The following ST6GAL1 variants were observed in gnomAD, a reference collection of about 807,000 sequenced individuals.
The protein encoded by ST6GAL1 is beta-galactoside alpha-2,6-sialyltransferase 1.
ST6GAL1 carries 20 observed loss-of-function variants against 38.0 expected under a neutral mutation model. The observed-to-expected ratio is 0.53, with a 90% CI of 0.37 to 0.77. ST6GAL1 has a LOEUF of 0.77. ST6GAL1 is among the 30% of genes least tolerant of loss of function. The pLI, the probability that ST6GAL1 is intolerant of heterozygous loss-of-function variation, is 0.00. For missense variants in ST6GAL1, 432 were observed against 496.4 expected, an observed-to-expected ratio of 0.87 and a Z score of 1.23; for synonymous variants, 196 against 188.2, an observed-to-expected ratio of 1.04 and a Z score of -0.34.
intron 2 of ST6GAL1, among the ~76,000 whole-genome samples, chr3:186,988,302 T>C (rs547514063): frequency 6.6e-6 from 1 of 152,252 alleles, no homozygotes; most frequent in African/African-American, 2.4e-5. Flanking sequence ...CTAATTTGTG[T>C]TGGTCATGGG....
chr3:187,024,904 G>A (rs926730328), intron 2 of ST6GAL1: 3 of 152,080 alleles, frequency 2.0e-5, no homozygotes, highest in Admixed American at 6.5e-5. Context: ...ACATTTAAAG[G>A]TGGGTTGGAT....
chr3:186,997,553 T>G (rs978596674), intron 2 of ST6GAL1, among the ~76,000 whole-genome samples: 1 of 151,828 alleles, frequency 6.6e-6, no homozygotes, highest in African/African-American at 2.4e-5. Flanking sequence ...TCCAGGAGTT[T>G]GAGCCCAGCC....
intron 2 of ST6GAL1, among the ~76,000 whole-genome samples, chr3:186,965,175 C>A (rs187589268): frequency 3.3e-5 from 5 of 152,264 alleles, no homozygotes; most frequent in African/African-American, 1.2e-4. Context: ...CATTTACTGG[C>A]CAACATCTGG....
intron 1 of ST6GAL1, among the ~76,000 whole-genome samples, chr3:186,957,343 T>C (rs1322824227): frequency 6.6e-6 from 1 of 152,098 alleles, no homozygotes; most frequent in Non-Finnish European, 1.5e-5. Context: ...CTTGGGAGGC[T>C]GAGATGGGAG....
intron 2 of ST6GAL1, among the ~76,000 whole-genome samples, chr3:187,015,866 G>C (rs1468926478): frequency 6.6e-6 from 1 of 152,080 alleles, no homozygotes. Context: ...ATAAATAAAA[G>C]AGTACAGTCT....
chr3:186,987,489 TG>T (rs1715989651), intron 2 of ST6GAL1, among the ~76,000 whole-genome samples: 1 of 152,194 alleles, frequency 6.6e-6, no homozygotes, highest in Non-Finnish European at 1.5e-5. Flanking sequence ...GAAATGTAGT[TG>T]CTTAAAGTCA....
rs117028782 is a variant in ST6GAL1 at position 187,008,451 on chromosome 3, G to A, written c.-182-30291G>A. 5.1e-3 allele frequency among the ~76,000 whole-genome samples: 777 copies of A among 152,052 alleles called. 24 individuals are homozygous for A. In the East Asian group the frequency reaches 0.081, roughly 16 times the overall value. On this transcript the variant is annotated intron_variant, in intron 2 of 7. Transcript: ENST00000169298. ...ATCCAAAACCATGGTGGCCAAAGAC[G>A]AAGACAGTGAAACCCCGTCTTTAGA...
chr3:186,972,380 C>G (rs1406621202), intron 2 of ST6GAL1, among the ~76,000 whole-genome samples: 1 of 152,054 alleles, frequency 6.6e-6, no homozygotes, highest in Non-Finnish European at 1.5e-5. Flanking sequence ...TCCCAAGTAG[C>G]TGGGACTACA....
intron 2 of ST6GAL1, among the ~76,000 whole-genome samples, chr3:187,011,410 A>G (rs866234808): frequency 2.6e-5 from 4 of 152,184 alleles, no homozygotes; most frequent in African/African-American, 9.7e-5. Flanking sequence ...CTGATTTTGT[A>G]CCTTTATTTT....
chr3:187,024,757 G>A (rs537026243), intron 2 of ST6GAL1: 1 of 152,164 alleles, frequency 6.6e-6, no homozygotes, highest in South Asian at 2.1e-4. Flanking sequence ...GAAGAAGTAA[G>A]GGAGCGAGGA....
intron 2 of ST6GAL1, among the ~76,000 whole-genome samples, chr3:186,994,278 T>G (rs1029045199): frequency 2.6e-5 from 4 of 152,244 alleles, no homozygotes; most frequent in Admixed American, 2.6e-4. Context: ...GTTCTCTCAG[T>G]CTCTGTAGGG....
rs558457645 is a variant in ST6GAL1, at chr3:186,981,499, G to T, written c.-183+17573G>T. Among the ~76,000 whole-genome samples, 8 of 152,282 alleles carry T rather than the reference G, an allele frequency of 5.3e-5. No individual in the cohort carries two copies. In the South Asian group the frequency reaches 1.7e-3, roughly 32 times the overall value. On this transcript the variant is annotated intron_variant, in intron 2 of 7. Transcript: ENST00000169298. Reference sequence around the variant, plus strand: ...CCATCACTACTGCCTTGTACCGTGGGTAACCTGCATGAAGTCTTCTCTGTA... The same window carrying T: ...CCATCACTACTGCCTTGTACCGTGGTTAACCTGCATGAAGTCTTCTCTGTA...
intron 2 of ST6GAL1, among the ~76,000 whole-genome samples, chr3:187,023,372 T>C (rs1717397968): frequency 6.6e-6 from 1 of 152,152 alleles, no homozygotes; most frequent in South Asian, 2.1e-4. Context: ...ATAAGGTGAG[T>C]GCTGGAGGGG....
rs1719565209 is a variant in ST6GAL1, at chr3:187,076,482, T to G, written c.*679T>G. 4.9e-6 allele frequency: 1 copy of G among 202,316 alleles called. No individual in the cohort carries two copies. The highest frequency in any genetic ancestry group is 2.3e-5 in the African/African-American group (1 of 43,270). The allele number at this position is 202,316 out of a possible 1,614,324, so 12.5% of individuals were successfully genotyped here. ...AAGGATACAGTGTCTATCCTCAAGT[T>G]GCTACGGTTCAGTGAGAGAGGCAGA... is the stretch of plus-strand genomic sequence containing the variant. On this transcript the variant is annotated 3_prime_UTR_variant, in exon 8 of 8. Coordinates refer to ENST00000169298, the MANE Select transcript of ST6GAL1 (RefSeq NM_173216.2).
intron 1 of ST6GAL1, among the ~76,000 whole-genome samples, chr3:186,939,441 G>A (rs1345015808): frequency 6.6e-6 from 1 of 152,098 alleles, no homozygotes; most frequent in Non-Finnish European, 1.5e-5. Context: ...AAATAGACAG[G>A]GTGGAAGGAG....
At position 186,947,439 on chromosome 3, in the gene ST6GAL1, A is replaced by G. The variant is rs1714409015; in HGVS notation, c.-324-16346A>G. Reference sequence around the variant, plus strand: ...CCCATGGTTTTTCTATTGTGCTATGATTTGTGGTGCACAGAGACCGGAATC... The same window carrying G: ...CCCATGGTTTTTCTATTGTGCTATGGTTTGTGGTGCACAGAGACCGGAATC... On this transcript the variant is annotated intron_variant, in intron 1 of 7. Transcript: ENST00000169298. Among the ~76,000 whole-genome samples the G allele has an allele frequency of 1.3e-5, 2 of 152,192 alleles. 1 individual carries two copies. The highest frequency in any genetic ancestry group is 4.1e-4 in the South Asian group (2 of 4,828).
intron 5 of ST6GAL1, among the ~76,000 whole-genome samples, chr3:187,062,276 T>A (rs1718942823): frequency 6.6e-6 from 1 of 152,176 alleles, no homozygotes; most frequent in African/African-American, 2.4e-5. Context: ...AGTACGGCAG[T>A]GCCTCAAAAA....
intron 1 of ST6GAL1, among the ~76,000 whole-genome samples, chr3:186,941,699 T>C (rs1014240339): frequency 6.6e-6 from 1 of 151,916 alleles, no homozygotes; most frequent in African/African-American, 2.4e-5. Context: ...CACTGCCGTG[T>C]TATAAAGTGA....
At chr3:186,960,649 TAATCTACTTA>T (rs1297105993) in intron 1 of ST6GAL1, among the ~76,000 whole-genome samples, 1 of 152,008 alleles carries the variant, frequency 6.6e-6, no homozygotes, top group African/African-American at 2.4e-5. Context: ...GGAAGTTATA[TAATCTACTTA>T]ATAGAAAAAA....
Sources: allele counts gnomAD v4.1 joint callset (sites outside exome capture counted in the v4.1 genomes callset), GRCh38; gene constraint gnomAD v4.1.1; transcripts MANE v1.5; gene names NCBI Gene and HGNC (gene_info 2026-07-23, HGNC 2026-07-21).